GALNT16: variants seen among roughly 807,000 people sequenced by gnomAD.
GALNT16 encodes the protein UDP-GalNAc:polypeptide N-acetylgalactosaminyltransferase-like protein 1.
GALNT16 carries 40 observed loss-of-function variants against 76.1 expected under a neutral mutation model. That is an observed-to-expected ratio of 0.53 (90% CI 0.41 to 0.68). The LOEUF is 0.68. GALNT16 is among the 30% of genes least tolerant of loss of function. The probability of loss-of-function intolerance (pLI) is 0.00; values close to 1 mark genes in which losing one functional copy is unlikely to be tolerated. For synonymous variants in GALNT16, 276 were observed against 285.2 expected (o/e 0.97, Z 0.32); for missense variants, 621 against 731.9 (o/e 0.85, Z 1.75).
downstream of GALNT16, chr14:69,355,444 C>T (rs111866067): frequency 0.024 from 3,622 of 152,452 alleles, 67 homozygotes; most frequent in Middle Eastern, 0.068. Context: ...CCTCCTGGCG[C>T]GCTGAGCCCC....
chr14:69,311,755 A>G (rs373048551), intron 1 of GALNT16, among the ~76,000 whole-genome samples: 1 of 152,200 alleles, frequency 6.6e-6, no homozygotes, highest in East Asian at 1.9e-4. Flanking sequence ...CCAGCTGGCA[A>G]TCAAAGGCTT....
chr14:69,286,796 TA>T (rs1444685623), intron 1 of GALNT16, among the ~76,000 whole-genome samples: 1 of 152,174 alleles, frequency 6.6e-6, no homozygotes, highest in Non-Finnish European at 1.5e-5. Flanking sequence ...AGCAAAATGT[TA>T]ACAGTGGGAT....
chr14:69,381,534 T>C, the GALNT16 span, among the ~76,000 whole-genome samples: 1 of 152,064 alleles, frequency 6.6e-6, no homozygotes, highest in Non-Finnish European at 1.5e-5. Context: ...GTACACAGAC[T>C]AGCATTAGCA....
intron 10 of GALNT16, among the ~76,000 whole-genome samples, chr14:69,339,127 C>A (rs552835453): frequency 7.7e-4 from 117 of 152,242 alleles, no homozygotes; most frequent in Non-Finnish European, 1.4e-3. Flanking sequence ...ATCTGTCCAT[C>A]CCTATCCCCA....
At chr14:69,274,820 C>T (rs760440520) in intron 1 of GALNT16, among the ~76,000 whole-genome samples, 11 of 152,238 alleles carry the variant, frequency 7.2e-5, no homozygotes, top group Non-Finnish European at 1.3e-4. Flanking sequence ...GTACTTTCCC[C>T]CTTGACCAGA....
chr14:69,288,032 G>A (rs1348499169), intron 1 of GALNT16, among the ~76,000 whole-genome samples: 1 of 152,072 alleles, frequency 6.6e-6, no homozygotes, highest in Non-Finnish European at 1.5e-5. Flanking sequence ...TGGGATCAGT[G>A]ACCCTCCAAG....
intron 1 of GALNT16, among the ~76,000 whole-genome samples, chr14:69,301,560 G>A (rs938737507): frequency 2.6e-5 from 4 of 152,026 alleles, no homozygotes; most frequent in African/African-American, 9.7e-5. Flanking sequence ...CACCATGTTG[G>A]CCAGGCTGAT....
chr14:69,281,500 A>G (rs1028960890), intron 1 of GALNT16, among the ~76,000 whole-genome samples: 3 of 152,146 alleles, frequency 2.0e-5, no homozygotes, highest in African/African-American at 7.2e-5. Flanking sequence ...AGAGGAAAAG[A>G]AGGACAATTG....
intron 9 of GALNT16, among the ~76,000 whole-genome samples, chr14:69,338,266 G>A (rs745882453): frequency 2.0e-5 from 3 of 152,278 alleles, no homozygotes; most frequent in Non-Finnish European, 2.9e-5. Flanking sequence ...CAGGTGCACA[G>A]AGCTGGCTGA....
chr14:69,345,703 A>AGAGTGTGTGTGTGTGTGTGTGTGT (rs1555402035), intron 12 of GALNT16, among the ~76,000 whole-genome samples: 2 of 135,004 alleles, frequency 1.5e-5, no homozygotes, highest in African/African-American at 5.6e-5. Flanking sequence ...ATAAGGTGTC[A>AGAGTGTGTGTGTGTGTGTGTGTGT]GTGTGTGTGT....
chr14:69,362,000 C>T (rs2045727491), downstream of GALNT16, among the ~76,000 whole-genome samples: 3 of 152,134 alleles, frequency 2.0e-5, no homozygotes, highest in South Asian at 4.1e-4. Flanking sequence ...GAATGAGACT[C>T]CATCTCAAAA....
chr14:69,313,809 AGTTTC>A (rs1246870449), intron 1 of GALNT16, among the ~76,000 whole-genome samples: 4 of 113,758 alleles, frequency 3.5e-5, no homozygotes, highest in African/African-American at 1.0e-4. Flanking sequence ...GCTCTAGCTG[AGTTTC>A]AGTTGGCTCT....
At position 69,333,785 on chromosome 14, in the gene GALNT16, A is replaced by C; in HGVS notation, c.967+185A>C. 1.8e-6 allele frequency: 1 copy of C among 554,512 alleles called. No homozygotes were observed. 34.3% of individuals were successfully genotyped at this position (554,512 alleles called of 1,614,324 possible). A position where few individuals can be genotyped will look rare whatever the true frequency, so the allele number is the denominator to read the frequency against. ...TCCATTTTACTGATTTTAAAACCCA[A>C]GGCACAGAGAAGTTAAGCAATTTGT... On this transcript the variant is annotated intron_variant, in intron 9 of 14. Coordinates refer to ENST00000448469, the MANE Select transcript of GALNT16 (RefSeq NM_001168368.2). The surrounding 1 kb of genome is among the most constrained non-coding windows in gnomAD (Gnocchi z 4.2).
At chr14:69,277,068 C>G (rs180980146) in intron 1 of GALNT16, among the ~76,000 whole-genome samples, 1 of 152,218 alleles carries the variant, frequency 6.6e-6, no homozygotes, top group African/African-American at 2.4e-5. Flanking sequence ...CTGCTGAGAG[C>G]CAAGGCAAGA....
intron 12 of GALNT16, 53 bp downstream of exon 12, chr14:69,341,817 G>A: frequency 1.6e-6 from 2 of 1,255,970 alleles, no homozygotes; most frequent in East Asian, 2.4e-5. Context: ...GGGTGGTTGG[G>A]GCCAGCGGCT....
intron 5 of GALNT16, among the ~76,000 whole-genome samples, chr14:69,326,907 G>T (rs1147465): frequency 0.81 from 122,918 of 152,078 alleles, 50,261 homozygotes; most frequent in African/African-American, 0.93. Context: ...AAGGCCAGCC[G>T]CCTACTCATA....
chr14:69,333,937 C>T lies in GALNT16; in HGVS notation c.967+337C>T, dbSNP rs903136212. On this transcript the variant is annotated intron_variant, in intron 9 of 14. Coordinates refer to ENST00000448469, the MANE Select transcript of GALNT16 (RefSeq NM_001168368.2). This position sits in a 1 kb window ranked among gnomAD's most constrained non-coding sequence, Gnocchi z 4.2. ...CCACAGCTTACACACGTGGCTGCTT[C>T]CCTACCAGCAAGGCTGGGAGGTGTG... Among the ~76,000 whole-genome samples the T allele has an allele frequency of 6.6e-6, 1 of 151,774 alleles. No homozygotes were observed. The highest frequency in any genetic ancestry group is 2.4e-5 in the African/African-American group (1 of 41,380).
At chr14:69,336,008 T>C (rs1331200179) in intron 9 of GALNT16, among the ~76,000 whole-genome samples, 3 of 151,984 alleles carry the variant, frequency 2.0e-5, no homozygotes. Flanking sequence ...AAACCCAAAC[T>C]CCTTACTGGC....
intron 1 of GALNT16, among the ~76,000 whole-genome samples, chr14:69,313,302 A>G (rs58956412): frequency 1.8e-3 from 267 of 152,328 alleles, no homozygotes; most frequent in African/African-American, 6.2e-3. Flanking sequence ...CGAGCATCAC[A>G]TATCTCTGGC....
Sources: allele counts gnomAD v4.1 joint callset (sites outside exome capture counted in the v4.1 genomes callset), GRCh38; gene constraint gnomAD v4.1.1; non-coding constraint Gnocchi (gnomAD v3.1); transcripts MANE v1.5; gene names NCBI Gene and HGNC (gene_info 2026-07-23, HGNC 2026-07-21).